CTNNA3: variants seen among roughly 807,000 people sequenced by gnomAD.
The protein encoded by CTNNA3 is catenin alpha-3.
CTNNA3 carries 76 observed loss-of-function variants against 95.7 expected under a neutral mutation model. That is an observed-to-expected ratio of 0.79 (90% CI 0.66 to 0.96). The LOEUF (loss-of-function observed/expected upper bound fraction) is 0.96. Among genes scored for constraint, CTNNA3 ranks in the 40% least tolerant of loss-of-function variants. CTNNA3 has a pLI of 0.00. For synonymous variants in CTNNA3, 431 were observed against 374.4 expected (o/e 1.15, Z -1.74); for missense variants, 1,191 against 1,089.8 (o/e 1.09, Z -1.31).
chr10:67,109,199 G>C (rs1858796963), intron 7 of CTNNA3, among the ~76,000 whole-genome samples: 1 of 152,092 alleles, frequency 6.6e-6, no homozygotes, highest in African/African-American at 2.4e-5. Context: ...TGAGAATTAG[G>C]TTATATGTAG....
At chr10:66,335,510 G>A (rs868249492) in intron 12 of CTNNA3, among the ~76,000 whole-genome samples, 1 of 152,076 alleles carries the variant, frequency 6.6e-6, no homozygotes, top group Non-Finnish European at 1.5e-5. Context: ...GACCCTCTTT[G>A]CCTGGGTATC....
rs552421347 is a variant in CTNNA3, at chr10:66,604,024, G to T, written c.1374+17668C>A. 4.6e-5 allele frequency among the ~76,000 whole-genome samples: 7 copies of T among 151,688 alleles called. No individual in the cohort carries two copies. In the South Asian group the frequency reaches 1.5e-3, roughly 32 times the overall value. ...AGTATAGGACACTGGTCTGGGCAAA[G>T]ATTTTTTTAGGTAAGACCTCAAAAG... On this transcript the variant is annotated intron_variant, in intron 10 of 17. Transcript: ENST00000433211.
At chr10:67,457,511 T>C (rs1234021483) in intron 5 of CTNNA3, among the ~76,000 whole-genome samples, 2 of 152,156 alleles carry the variant, frequency 1.3e-5, no homozygotes, top group East Asian at 3.8e-4. Context: ...CAAATCAGAA[T>C]AAAAAATATC....
intron 7 of CTNNA3, among the ~76,000 whole-genome samples, chr10:66,884,337 G>A (rs1001364837): frequency 5.9e-5 from 9 of 152,094 alleles, no homozygotes; most frequent in Non-Finnish European, 1.2e-4. Context: ...ATTTTCTTCC[G>A]TGTGTGTGTG....
At chr10:67,364,281 T>C (rs1185500799) in intron 5 of CTNNA3, among the ~76,000 whole-genome samples, 1 of 152,184 alleles carries the variant, frequency 6.6e-6, no homozygotes, top group Non-Finnish European at 1.5e-5. Flanking sequence ...AACAGCCTTT[T>C]ATGTCAAAAA....
intron 9 of CTNNA3, among the ~76,000 whole-genome samples, chr10:66,696,342 G>A (rs1847762818): frequency 6.6e-6 from 1 of 152,066 alleles, no homozygotes; most frequent in East Asian, 1.9e-4. Flanking sequence ...ATACTCACAT[G>A]AGGAGATACA....
chr10:67,577,016 G>C (rs61866954), intron 3 of CTNNA3, among the ~76,000 whole-genome samples: 1 of 149,440 alleles, frequency 6.7e-6, no homozygotes, highest in South Asian at 2.2e-4. Flanking sequence ...ATAAACATAC[G>C]TGTGCATGTG....
chr10:67,008,864 A>G (rs1852162317), intron 7 of CTNNA3, among the ~76,000 whole-genome samples: 1 of 152,118 alleles, frequency 6.6e-6, no homozygotes, highest in Admixed American at 6.6e-5. Flanking sequence ...TCTTGTTTTA[A>G]TTTTCCTTAA....
intron 13 of CTNNA3, among the ~76,000 whole-genome samples, chr10:66,252,671 C>G (rs4746564): frequency 0.14 from 20,964 of 151,996 alleles, 1,610 homozygotes; most frequent in East Asian, 0.26. Flanking sequence ...AACAAAGAAC[C>G]AAGAACGAAT....
chr10:65,990,353 A>G (rs1178626943), intron 15 of CTNNA3, among the ~76,000 whole-genome samples: 1 of 150,700 alleles, frequency 6.6e-6, no homozygotes, highest in Non-Finnish European at 1.5e-5. Flanking sequence ...TCAACAGTGT[A>G]TAAGAGTTCC....
intron 14 of CTNNA3, among the ~76,000 whole-genome samples, chr10:66,085,328 A>C (rs2080939948): frequency 6.6e-6 from 1 of 152,118 alleles, no homozygotes. Context: ...GACACAATTG[A>C]GAAGGCACTG....
chr10:66,535,170 A>G (rs577522522), intron 10 of CTNNA3, among the ~76,000 whole-genome samples: 1 of 152,062 alleles, frequency 6.6e-6, no homozygotes, highest in Non-Finnish European at 1.5e-5. Flanking sequence ...GAAAAAAAAA[A>G]CCCTGAATTA....
chr10:65,972,506 AT>A (rs1449287141), intron 16 of CTNNA3, among the ~76,000 whole-genome samples: 1 of 152,194 alleles, frequency 6.6e-6, no homozygotes, highest in Non-Finnish European at 1.5e-5. Context: ...ATACAAAATC[AT>A]TGTATAAAAA....
chr10:66,859,740 A>G (rs1364777366), intron 7 of CTNNA3, among the ~76,000 whole-genome samples: 2 of 127,488 alleles, frequency 1.6e-5, no homozygotes, highest in Non-Finnish European at 3.4e-5. Flanking sequence ...GGCACTATTC[A>G]CAATAGCAAA....
intron 10 of CTNNA3, among the ~76,000 whole-genome samples, chr10:66,534,366 G>C (rs891788556): frequency 6.6e-6 from 1 of 151,746 alleles, no homozygotes; most frequent in Non-Finnish European, 1.5e-5. Flanking sequence ...TTTATTACCA[G>C]TATAGGTGGT....
At chr10:67,727,645 A>C (rs918913372) in intron 1 of CTNNA3, among the ~76,000 whole-genome samples, 1 of 128,220 alleles carries the variant, frequency 7.8e-6, no homozygotes, top group Non-Finnish European at 1.6e-5. Context: ...ATTATATATT[A>C]TTATATTATA....
At chr10:66,427,230 T>C (rs1226036325) in intron 11 of CTNNA3, among the ~76,000 whole-genome samples, 1 of 152,080 alleles carries the variant, frequency 6.6e-6, no homozygotes, top group African/African-American at 2.4e-5. Context: ...AACTCCACAT[T>C]GGAGCCCAGG....
At chr10:67,136,016 G>A (rs1860290119) in intron 7 of CTNNA3, among the ~76,000 whole-genome samples, 1 of 152,098 alleles carries the variant, frequency 6.6e-6, no homozygotes, top group Non-Finnish European at 1.5e-5. Flanking sequence ...ACAAGATTTG[G>A]AGAACAAGGT....
At chr10:66,434,412 A>T (rs2093321870) in intron 11 of CTNNA3, among the ~76,000 whole-genome samples, 2 of 152,108 alleles carry the variant, frequency 1.3e-5, no homozygotes, top group Admixed American at 1.3e-4. Flanking sequence ...AGCAATTGTG[A>T]ATAGGAGTTC....
Sources: allele counts gnomAD v4.1 joint callset (sites outside exome capture counted in the v4.1 genomes callset), GRCh38; gene constraint gnomAD v4.1.1; transcripts MANE v1.5; gene names NCBI Gene and HGNC (gene_info 2026-07-23, HGNC 2026-07-21).